The following SAMD7 variants were observed in gnomAD, a reference collection of about 807,000 sequenced individuals.
The protein encoded by SAMD7 is sterile alpha motif domain-containing protein 7.
Under a neutral mutation model 36.7 loss-of-function variants are expected in SAMD7, and 34 were observed. That is an observed-to-expected ratio of 0.93 (90% CI 0.71 to 1.23). The LOEUF is 1.23. SAMD7 is among the 50% of genes most tolerant of loss of function. The pLI is 0.00. For synonymous variants in SAMD7, 188 were observed against 189.7 expected, an observed-to-expected ratio of 0.99 and a Z score of 0.07; for missense variants, 570 against 546.6, an observed-to-expected ratio of 1.04 and a Z score of -0.43.
chr3:169,912,158 C>T (rs959436006), intron 1 of SAMD7, among the ~76,000 whole-genome samples: 4 of 152,142 alleles, frequency 2.6e-5, no homozygotes, highest in African/African-American at 9.7e-5. Flanking sequence ...TATCTTCAAA[C>T]AGATGAAGTA....
chr3:169,930,579 T>G (rs1461112151), intron 7 of SAMD7, among the ~76,000 whole-genome samples: 1 of 71,932 alleles, frequency 1.4e-5, no homozygotes, highest in Non-Finnish European at 2.7e-5. Flanking sequence ...CTTTCTTTTC[T>G]TTTTTTTTTT....
intron 2 of SAMD7, among the ~76,000 whole-genome samples, chr3:169,916,405 G>A (rs1712802129): frequency 6.6e-6 from 1 of 152,228 alleles, no homozygotes; most frequent in Non-Finnish European, 1.5e-5. Flanking sequence ...CAGTGCTATG[G>A]GAGGCTGAGG....
chr3:169,921,105 A>T, intron 3 of SAMD7, 109 bp from the exon 4 acceptor site: 1 of 945,778 alleles, frequency 1.1e-6, no homozygotes. Context: ...TCTTGAGAAG[A>T]GATGATAGAA....
At chr3:169,933,935 A>C (rs1713616333) in intron 7 of SAMD7, among the ~76,000 whole-genome samples, 1 of 152,246 alleles carries the variant, frequency 6.6e-6, no homozygotes, top group African/African-American at 2.4e-5. Flanking sequence ...CCTGAAAGTC[A>C]AGAGGAGAGG....
At chr3:169,913,538 G>C (rs1407528491) in intron 1 of SAMD7, among the ~76,000 whole-genome samples, 1 of 152,176 alleles carries the variant, frequency 6.6e-6, no homozygotes, top group Non-Finnish European at 1.5e-5. Flanking sequence ...AGAGTCTGAA[G>C]ACAGAGATTA....
rs751425858 is a variant in SAMD7 at position 169,927,178 on chromosome 3, C to G, written c.916C>G (p.Pro306Ala). Reference sequence around the variant, plus strand: ...CCCTCCAGTTCCTCGACCATCTCTGCCAGGTGGGTGTCCAGGGGCCAATGG... The same window carrying G: ...CCCTCCAGTTCCTCGACCATCTCTGGCAGGTGGGTGTCCAGGGGCCAATGG... ...VCPPVPRPSL[P>A]GTHALVTIGG... Residue 306 changes from proline (P) to alanine (A), a missense_variant, in exon 6 of 9, where the codon CCA (proline) becomes GCA (alanine). By Grantham distance (27) the Pro-to-Ala change is conservative. Coordinates refer to ENST00000335556, the MANE Select transcript of SAMD7 (RefSeq NM_001304366.2). 2.6e-5 allele frequency: 40 copies of G among 1,523,560 alleles called. No homozygotes were observed. The Middle Eastern group carries it at 5.5e-4, about 21-fold the overall frequency. 94.4% of individuals were successfully genotyped at this position (1,523,560 alleles called of 1,614,324 possible). A position where few individuals can be genotyped will look rare whatever the true frequency, so the allele number is the denominator to read the frequency against.
rs1463756484 is a variant in SAMD7, at chr3:169,938,381, T to C, written c.1216T>C (p.Phe406Leu). The change falls in exon 9 of 9, where the codon TTT becomes CTT. Residue 406 changes from phenylalanine (F) to leucine (L), a missense_variant. Phe to Leu is a conservative substitution (Grantham distance 22). Transcript: ENST00000335556. ...KTLSFPIRQA[F>L]DQPADTSPLL... ...TCTTTCATTTCCTATAAGACAAGCA[T>C]TTGATCAACCAGCAGATACATCCCC... 6.2e-7 allele frequency: 1 copy of C among 1,613,030 alleles called. No individual in the cohort carries two copies. Among genetic ancestry groups the C allele is most frequent in the Admixed American group, 1.7e-5 (1 of 60,026 alleles).
intron 4 of SAMD7, among the ~76,000 whole-genome samples, chr3:169,922,505 T>C (rs115987789): frequency 0.035 from 5,376 of 152,242 alleles, 288 homozygotes; most frequent in African/African-American, 0.12. Context: ...TTTTTGTTGT[T>C]GTTGTTTGTT....
rs758964286 is a variant in SAMD7, at chr3:169,926,643, C to T, written c.381C>T (p.Leu127=). 6.2e-7 allele frequency: 1 copy of T among 1,614,052 alleles called. No homozygotes were observed. The highest frequency in any genetic ancestry group is 1.1e-5 in the South Asian group (1 of 91,080). ...KGLAGLGIPF[L]YGSSVPAAPA... ...TAGCAGGCCTAGGGATACCCTTCCT[C>T]TATGGCTCCAGTGTCCCAGCTGCCC... Residue 127 remains leucine, a synonymous_variant, in exon 6 of 9, where the codon CTC becomes CTT. Coordinates refer to ENST00000335556, the MANE Select transcript of SAMD7 (RefSeq NM_001304366.2).
Position 169,926,671 on chromosome 3 carries a change from G to T in SAMD7, c.409G>T (p.Ala137Ser). ...TGGCTCCAGTGTCCCAGCTGCCCCCGCTGCCTACCATGGCAGGAGCATGCT... is the reference window on the plus strand; with the variant it reads ...TGGCTCCAGTGTCCCAGCTGCCCCCTCTGCCTACCATGGCAGGAGCATGCT... The part of the protein sequence containing the change: ...LYGSSVPAAP[A>S]AYHGRSMLPA... Residue 137 changes from alanine (A) to serine (S), a missense_variant, in exon 6 of 9, where the codon GCT becomes TCT. Physicochemically the swap from Ala to Ser is moderately conservative, Grantham distance 99. Transcript: ENST00000335556. 1 of 1,613,920 alleles carries T rather than the reference G, an allele frequency of 6.2e-7. No homozygotes were observed. The highest frequency in any genetic ancestry group is 1.3e-5 in the African/African-American group (1 of 74,942).
At position 169,938,518 on chromosome 3, in the gene SAMD7, G is replaced by C. The variant is rs765504380; in HGVS notation, c.*12G>C. ...GTATGAGAAACTAAAAGCCCTCAAG[G>C]AGGAAGAATAGTCTTAGCCAGTTTT... On this transcript the variant is annotated 3_prime_UTR_variant, in exon 9 of 9. Coordinates refer to ENST00000335556, the MANE Select transcript of SAMD7 (RefSeq NM_001304366.2). The C allele has an allele frequency of 7.6e-6, 12 of 1,572,646 alleles. No individual in the cohort carries two copies. The African/African-American group carries it at 8.1e-5, about 11-fold the overall frequency.
Position 169,925,148 on chromosome 3 carries a change from A to T in SAMD7, c.290+12A>T. 6.4e-7 allele frequency: 1 copy of T among 1,572,328 alleles called. No homozygotes were observed. Reference sequence around the variant, plus strand: ...CATCATACTGCCAGGTAATTTGGCAATGTTGTTTTATTTATTCTCTATTCA... The same window carrying T: ...CATCATACTGCCAGGTAATTTGGCATTGTTGTTTTATTTATTCTCTATTCA... On this transcript the variant is annotated intron_variant, in intron 5 of 8. Coordinates refer to ENST00000335556, the MANE Select transcript of SAMD7 (RefSeq NM_001304366.2).
chr3:169,933,835 G>T (rs751962732), intron 7 of SAMD7, among the ~76,000 whole-genome samples: 1 of 152,168 alleles, frequency 6.6e-6, no homozygotes, highest in Non-Finnish European at 1.5e-5. Flanking sequence ...ACATCCATAC[G>T]AGCACGTTGT....
intron 4 of SAMD7, 122 bp from the exon 5 acceptor site, chr3:169,924,936 C>A: frequency 1.6e-6 from 1 of 637,006 alleles, no homozygotes; most frequent in Non-Finnish European, 2.7e-6. Flanking sequence ...AAATTGTGCG[C>A]AATTGCTGGT....
At chr3:169,936,531 T>C (rs1396437272) in intron 8 of SAMD7, 82 bp downstream of exon 8, 2 of 778,626 alleles carry the variant, frequency 2.6e-6, no homozygotes, top group African/African-American at 3.6e-5. Context: ...TGTTGTAATA[T>C]AAATAATACT....
At position 169,938,481 on chromosome 3, in the gene SAMD7, T is replaced by C. The variant is rs370549841; in HGVS notation, c.1316T>C (p.Ile439Thr). The stretch of plus-strand genomic sequence containing the variant: ...CAGGATACAATAATTCCTAAAGGAA[T>C]TGAGCGAGGTAGTATGAGAAACTAA... ...CPQDTIIPKG[I>T]ERGSMRN is the part of the protein sequence containing the mutation. The change falls in exon 9 of 9, where the codon ATT (isoleucine) becomes ACT (threonine). Residue 439 changes from isoleucine to threonine, a missense_variant. By Grantham distance (89) the Ile-to-Thr change is moderately conservative. Transcript: ENST00000335556. 2.5e-6 allele frequency: 4 copies of C among 1,611,188 alleles called. No homozygotes were observed. Among genetic ancestry groups the C allele is most frequent in the Non-Finnish European group, 3.4e-6 (4 of 1,178,480 alleles).
rs569523419 is a variant in SAMD7, at chr3:169,917,202, A to T, written c.-42+1761A>T. Reference sequence around the variant, plus strand: ...TTAGTTCTGAAAAAGAAGCTAACAAAGTGATTGTATATTTAAATACCATTA... The same window carrying T: ...TTAGTTCTGAAAAAGAAGCTAACAATGTGATTGTATATTTAAATACCATTA... On this transcript the variant is annotated intron_variant, in intron 2 of 8. Coordinates refer to ENST00000335556, the MANE Select transcript of SAMD7 (RefSeq NM_001304366.2). Among the ~76,000 whole-genome samples the T allele has an allele frequency of 3.3e-5, 5 of 152,350 alleles. No individual in the cohort carries two copies. The South Asian group carries it at 1.0e-3, about 32-fold the overall frequency.
rs776438499 is a variant in SAMD7 at position 169,936,487 on chromosome 3, C to T, written c.1152+38C>T. 2.8e-6 allele frequency: 3 copies of T among 1,069,740 alleles called. No individual in the cohort carries two copies. In the Admixed American group the frequency reaches 5.4e-5, roughly 19 times the overall value. 66.3% of individuals were successfully genotyped at this position (1,069,740 alleles called of 1,614,324 possible). A position where few individuals can be genotyped will look rare whatever the true frequency, so the allele number is the denominator to read the frequency against. On this transcript the variant is annotated intron_variant, in intron 8 of 8. Coordinates refer to ENST00000335556, the MANE Select transcript of SAMD7 (RefSeq NM_001304366.2). ...TATATAACTAATTATGTATTAATGG[C>T]ACAAAGCTTAATACAAATATGTTAC...
At position 169,926,912 on chromosome 3, in the gene SAMD7, C is replaced by G; in HGVS notation, c.650C>G (p.Pro217Arg). The G allele has an allele frequency of 6.2e-7, 1 of 1,613,862 alleles. No homozygotes were observed. The highest frequency in any genetic ancestry group is 2.2e-5 in the East Asian group (1 of 44,850). ...ATCCTAGGTCAGACTCATGCAGTTCCCTATGAAGAGGATCATTATGCAAAA... is the reference window on the plus strand; with the variant it reads ...ATCCTAGGTCAGACTCATGCAGTTCGCTATGAAGAGGATCATTATGCAAAA... ...EKILGQTHAV[P>R]YEEDHYAKDP... is the part of the protein sequence containing the mutation. The change falls in exon 6 of 9, where the codon CCC (proline) becomes CGC (arginine). Residue 217 changes from proline to arginine, a missense_variant. Coordinates refer to ENST00000335556, the MANE Select transcript of SAMD7 (RefSeq NM_001304366.2).
Sources: allele counts gnomAD v4.1 joint callset (sites outside exome capture counted in the v4.1 genomes callset), GRCh38; gene constraint gnomAD v4.1.1; transcripts MANE v1.5; gene names NCBI Gene and HGNC (gene_info 2026-07-23, HGNC 2026-07-21).